The following ADCY6 variants were observed in gnomAD, a reference collection of about 807,000 sequenced individuals.
ADCY6 encodes the protein adenylate cyclase 6.
A neutral mutation model predicts 111.6 loss-of-function variants in ADCY6; 59 were observed. The observed-to-expected ratio is 0.53, with a 90% CI of 0.43 to 0.66. The LOEUF (loss-of-function observed/expected upper bound fraction) is 0.66. Ranked by LOEUF, ADCY6 falls within the 30% of genes least tolerant of loss-of-function variation. The pLI is 0.00. For synonymous variants in ADCY6, 576 were observed against 642.9 expected, an observed-to-expected ratio of 0.90 and a Z score of 1.57; for missense variants, 1,242 against 1,595.6, an observed-to-expected ratio of 0.78 and a Z score of 3.78.
intron 2 of ADCY6, among the ~76,000 whole-genome samples, chr12:48,779,503 C>T (rs559415636): frequency 9.2e-5 from 14 of 152,238 alleles, no homozygotes; most frequent in African/African-American, 3.1e-4. Context: ...AAGGATGTCC[C>T]CTAATTGGAG....
chr12:48,782,507 C>T lies in ADCY6; in HGVS notation c.864+64G>A, dbSNP rs1030783512. The T allele has an allele frequency of 1.3e-5, 20 of 1,539,270 alleles. No individual in the cohort carries two copies. The East Asian group carries it at 1.8e-4, about 14-fold the overall frequency. On this transcript the variant is annotated intron_variant, in intron 2 of 21. Coordinates refer to ENST00000357869, the MANE Select transcript of ADCY6 (RefSeq NM_015270.5). This position sits in a 1 kb window ranked among gnomAD's most constrained non-coding sequence, Gnocchi z 4.3. Reference sequence around the variant, plus strand: ...CCCGCCCTTCCTCACTAAGCCCCCACCTGCTTATGAGGTGAGAAATTCCCC... The same window carrying T: ...CCCGCCCTTCCTCACTAAGCCCCCATCTGCTTATGAGGTGAGAAATTCCCC...
intron 20 of ADCY6, among the ~76,000 whole-genome samples, chr12:48,769,807 G>A (rs1298283355): frequency 1.3e-5 from 2 of 149,194 alleles, no homozygotes; most frequent in East Asian, 3.9e-4. Context: ...TGTCACCCAG[G>A]CTGGAGTGCA....
In ADCY6 at chr12:48,783,266, G is replaced by T. The variant is rs1309489686; in HGVS notation, c.169C>A (p.Pro57Thr). The T allele has an allele frequency of 6.2e-7, 1 of 1,611,394 alleles. No individual in the cohort carries two copies. The highest frequency in any genetic ancestry group is 2.2e-5 in the East Asian group (1 of 44,856). The change falls in exon 2 of 22, where the codon CCT (proline) becomes ACT (threonine). Residue 57 changes from proline (P) to threonine (T), a missense_variant. Coordinates refer to ENST00000357869, the MANE Select transcript of ADCY6 (RefSeq NM_015270.5). Reference sequence around the variant, plus strand: ...CAGGGGCACCGAGGGGGGCCCGCAGGGGTGGGGCTGGGTGGCTCTGCATCC... The same window carrying T: ...CAGGGGCACCGAGGGGGGCCCGCAGTGGTGGGGCTGGGTGGCTCTGCATCC... ...LRDAEPPSPT[P>T]AGPPRCPWQD... is the part of the protein sequence containing the mutation.
rs1941883514 is a variant in ADCY6 at position 48,782,855 on chromosome 12, G to A, written c.580C>T (p.Leu194Phe). Residue 194 changes from leucine (L) to phenylalanine (F), a missense_variant, in exon 2 of 22, where the codon CTC becomes TTC. Transcript: ENST00000357869. This position sits in a 1 kb window ranked among gnomAD's most constrained non-coding sequence, Gnocchi z 4.3. ...CTATGCCGGTTACACACCACCATGA[G>A]CCCCACGAACAGGGCGGCGGCACAG... is the stretch of plus-strand genomic sequence containing the variant. ...LACAAALFVG[L>F]MVVCNRHSFR... 6.2e-7 allele frequency: 1 copy of A among 1,614,062 alleles called. No homozygotes were observed. Among genetic ancestry groups the A allele is most frequent in the Non-Finnish European group, 8.5e-7 (1 of 1,179,954 alleles).
In ADCY6 at chr12:48,768,209, G is replaced by C. The variant is rs558414845; in HGVS notation, c.*382C>G. ...CCAGGAAAAAAGAGGGAAAAGAAGG[G>C]CTCAGCCCTGAACCTGCTGCCCAGA... On this transcript the variant is annotated 3_prime_UTR_variant, in exon 22 of 22. Coordinates refer to ENST00000357869, the MANE Select transcript of ADCY6 (RefSeq NM_015270.5). The C allele has an allele frequency of 1.3e-3, 390 of 295,968 alleles. No homozygotes were observed. The highest frequency in any genetic ancestry group is 2.3e-3 in the Non-Finnish European group (357 of 154,656). 18.3% of individuals were successfully genotyped at this position (295,968 alleles called of 1,614,324 possible).
At chr12:48,769,442 A>G (rs932455195) in intron 20 of ADCY6, among the ~76,000 whole-genome samples, 3 of 151,384 alleles carry the variant, frequency 2.0e-5, no homozygotes, top group Non-Finnish European at 4.4e-5. Flanking sequence ...AAACCCAAAA[A>G]ACAAATAAAA....
chr12:48,780,170 C>A (rs1007202546), intron 2 of ADCY6, among the ~76,000 whole-genome samples: 1 of 151,954 alleles, frequency 6.6e-6, no homozygotes, highest in African/African-American at 2.4e-5. Flanking sequence ...GGAAGGGGGA[C>A]GAGACTGAAA....
intron 12 of ADCY6, 65 bp from the exon 13 acceptor site, chr12:48,774,843 C>T (rs1941651554): frequency 6.4e-7 from 1 of 1,556,112 alleles, no homozygotes; most frequent in African/African-American, 1.4e-5. Context: ...TTGTCCCACC[C>T]TCTGGAACAA....
In ADCY6 at chr12:48,773,475, T is replaced by C. The variant is rs1941605396; in HGVS notation, c.2615A>G (p.His872Arg). Reference sequence around the variant, plus strand: ...GACCTGAGAATAAACTCACAAGCCATGGACGCCAAGCAGTAGGTCATAGTT... The same window carrying C: ...GACCTGAGAATAAACTCACAAGCCACGGACGCCAAGCAGTAGGTCATAGTT... ...FDNYDLLLGVHGLASSNETFD... is the reference protein window; with the variant it reads ...FDNYDLLLGVRGLASSNETFD... Residue 872 changes from histidine to arginine, a missense_variant, in exon 16 of 22, where the codon CAT (histidine) becomes CGT (arginine). Coordinates refer to ENST00000357869, the MANE Select transcript of ADCY6 (RefSeq NM_015270.5). 1.2e-6 allele frequency: 2 copies of C among 1,613,570 alleles called. No individual in the cohort carries two copies. Among genetic ancestry groups the C allele is most frequent in the Non-Finnish European group, 1.7e-6 (2 of 1,179,720 alleles).
intron 2 of ADCY6, among the ~76,000 whole-genome samples, chr12:48,781,980 CAG>C (rs1287624728): frequency 6.6e-6 from 1 of 152,176 alleles, no homozygotes; most frequent in Non-Finnish European, 1.5e-5. Context: ...ACATCCAGCC[CAG>C]AGAGAACTGA....
In ADCY6 at chr12:48,769,764, T is replaced by G. The variant is rs915417460; in HGVS notation, c.3257-703A>C. Among the ~76,000 whole-genome samples the G allele has an allele frequency of 5.3e-5, 8 of 149,712 alleles. No homozygotes were observed. The East Asian group carries it at 5.9e-4, about 11-fold the overall frequency. ...ACCACACCCAACTAATTTTTGTTTT[T>G]TTTTTTTTTTTGGGGGGGACAGAGT... On this transcript the variant is annotated intron_variant, in intron 20 of 21. Coordinates refer to ENST00000357869, the MANE Select transcript of ADCY6 (RefSeq NM_015270.5).
In ADCY6 at chr12:48,777,211, G is replaced by C. The variant is rs142601797; in HGVS notation, c.1269C>G (p.Ile423Met). ...AGTAGTAACAGTCCCCCAAGATCTT[G>C]ATCCTCAGGCAGTGATTCTCCTGAA... is the stretch of plus-strand genomic sequence containing the variant. ...KLAAENHCLR[I>M]KILGDCYYCV... Residue 423 changes from isoleucine to methionine, a missense_variant, in exon 6 of 22, where the codon ATC becomes ATG. Ile to Met is a conservative substitution (Grantham distance 10). Transcript: ENST00000357869. This position sits in a 1 kb window ranked among gnomAD's most constrained non-coding sequence, Gnocchi z 4.9. The C allele has an allele frequency of 6.2e-7, 1 of 1,613,556 alleles. No individual in the cohort carries two copies.
rs191418366 is a variant in ADCY6, at chr12:48,784,281, G to C, written c.-4-843C>G. On this transcript the variant is annotated intron_variant, in intron 1 of 21. Coordinates refer to ENST00000357869, the MANE Select transcript of ADCY6 (RefSeq NM_015270.5). Reference sequence around the variant, plus strand: ...GGAAGGAAGGAAAAAAGGAGGGAGGGAGGGAGAGAGGGAAGGAAGGGAGGG... The same window carrying C: ...GGAAGGAAGGAAAAAAGGAGGGAGGCAGGGAGAGAGGGAAGGAAGGGAGGG... Among the ~76,000 whole-genome samples the C allele has an allele frequency of 2.4e-3, 332 of 140,682 alleles. 4 individuals are homozygous for C. The highest frequency in any genetic ancestry group is 4.0e-3 in the Non-Finnish European group (260 of 65,102). 92.3% of individuals were successfully genotyped at this position (140,682 alleles called of 152,430 possible).
Position 48,775,975 on chromosome 12 carries a change from G to A in ADCY6, c.1794C>T (p.Ala598=). The A allele has an allele frequency of 6.2e-7, 1 of 1,605,444 alleles. No individual in the cohort carries two copies. The highest frequency in any genetic ancestry group is 8.5e-7 in the Non-Finnish European group (1 of 1,175,998). ...GAGGGCCCCTCACCATCTGGCGGAAGGCCTTGGAGTCCTTGGTCCGGGAGA... is the reference window on the plus strand; with the variant it reads ...GAGGGCCCCTCACCATCTGGCGGAAAGCCTTGGAGTCCTTGGTCCGGGAGA... ...RAFSRTKDSK[A]FRQMGIDDSS... The change falls in exon 9 of 22, where the codon GCC becomes GCT. Residue 598 remains alanine (A), a synonymous_variant. Coordinates refer to ENST00000357869, the MANE Select transcript of ADCY6 (RefSeq NM_015270.5).
chr12:48,775,478 G>A, intron 10 of ADCY6, 28 bp from the exon 11 acceptor site: 1 of 1,613,282 alleles, frequency 6.2e-7, no homozygotes, highest in Non-Finnish European at 8.5e-7. Context: ...GGTTTCACCA[G>A]TTGCATGGGC....
At chr12:48,773,886 G>A in intron 15 of ADCY6, 54 bp downstream of exon 15, 1 of 1,595,368 alleles carries the variant, frequency 6.3e-7, no homozygotes, top group Non-Finnish European at 8.6e-7. Context: ...GGCACAGAAG[G>A]GCCAATGTCT....
chr12:48,778,510 C>G (rs960660579), intron 2 of ADCY6: 1 of 488,870 alleles, frequency 2.0e-6, no homozygotes, highest in Non-Finnish European at 3.7e-6. Flanking sequence ...AGCAGAAGAC[C>G]AACTAGGGCC....
chr12:48,773,760 C>A (rs886727330), intron 15 of ADCY6, 113 bp from the exon 16 acceptor site: 20 of 1,464,354 alleles, frequency 1.4e-5, no homozygotes, highest in Non-Finnish European at 1.8e-5. Flanking sequence ...ACCCCTCAAA[C>A]CCCCATATCC....
At position 48,774,032 on chromosome 12, in the gene ADCY6, T is replaced by A. The variant is rs1941626046; in HGVS notation, c.2350A>T (p.Ile784Phe). 6.2e-7 allele frequency: 1 copy of A among 1,612,886 alleles called. No homozygotes were observed. The highest frequency in any genetic ancestry group is 1.1e-5 in the South Asian group (1 of 90,806). ...AGCTGCTGCAGGTGGCAGGCAGTGA[T>A]GTCAGCAGGTGTTAAATTCAGCATC... ...ARMLNLTPAD[I>F]TACHLQQLNY... The change falls in exon 15 of 22, where the codon ATC (isoleucine) becomes TTC (phenylalanine). Residue 784 changes from isoleucine to phenylalanine, a missense_variant. By Grantham distance (21) the Ile-to-Phe change is conservative. Coordinates refer to ENST00000357869, the MANE Select transcript of ADCY6 (RefSeq NM_015270.5).
Sources: gnomAD v4.1 joint callset for allele counts (sites outside exome capture counted in the v4.1 genomes callset) on GRCh38, gnomAD v4.1.1 for gene constraint, Gnocchi (gnomAD v3.1) non-coding constraint, MANE v1.5 for transcripts, NCBI Gene and HGNC (gene_info 2026-07-23, HGNC 2026-07-21) for gene names.